Variants in SMAD2 observed in about 807,000 individuals in gnomAD.
SMAD2 encodes the protein MAD homolog 2.
In SMAD2, 8 loss-of-function variants were observed where a neutral mutation model predicts 64.4. The ratio of observed to expected loss-of-function variants is 0.12; its 90% CI spans 0.07 to 0.22. The LOEUF is 0.22. Ranked by LOEUF, SMAD2 falls within the 10% of genes least tolerant of loss-of-function variation. The probability of loss-of-function intolerance (pLI) is 1.00; values close to 1 mark genes in which losing one functional copy is unlikely to be tolerated. For missense variants in SMAD2, 289 were observed against 561.2 expected, an observed-to-expected ratio of 0.51 and a Z score of 4.90; for synonymous variants, 203 against 195.8, an observed-to-expected ratio of 1.04 and a Z score of -0.31.
chr18:47,875,373 G>C (rs567094655), intron 2 of SMAD2, among the ~76,000 whole-genome samples: 1 of 151,928 alleles, frequency 6.6e-6, no homozygotes, highest in Admixed American at 6.6e-5. Flanking sequence ...CAACATATTT[G>C]GTGACCCAAC....
intron 7 of SMAD2, among the ~76,000 whole-genome samples, chr18:47,849,956 G>A (rs963192342): frequency 2.0e-5 from 3 of 151,434 alleles, no homozygotes; most frequent in Non-Finnish European, 2.9e-5. Context: ...GCAGTGAGCC[G>A]AGATTGCGCC....
Position 47,841,728 on chromosome 18 carries a change from G to C in SMAD2, c.*99C>G, listed in dbSNP as rs1400263316. ...GACCTCAAGTGCTGTTTTCTCTCTT[G>C]AACTTTTGGATAGTAAACAGTCCAT... is the stretch of plus-strand genomic sequence containing the variant. On this transcript the variant is annotated 3_prime_UTR_variant, in exon 11 of 11. Coordinates refer to ENST00000262160, the MANE Select transcript of SMAD2 (RefSeq NM_005901.6). 8 of 1,412,102 alleles carry C rather than the reference G, an allele frequency of 5.7e-6. No individual in the cohort carries two copies. The highest frequency in any genetic ancestry group is 3.5e-5 in the Admixed American group (2 of 57,824). 87.5% of individuals were successfully genotyped at this position (1,412,102 alleles called of 1,614,324 possible). A position where few individuals can be genotyped will look rare whatever the true frequency, so the allele number is the denominator to read the frequency against.
intron 1 of SMAD2, among the ~76,000 whole-genome samples, chr18:47,915,920 T>C (rs958200444): frequency 9.9e-5 from 15 of 152,238 alleles, no homozygotes; most frequent in African/African-American, 3.6e-4. Flanking sequence ...TTCTGTGTTT[T>C]TTAACACCCT....
At chr18:47,900,869 T>G (rs2033655211) in intron 1 of SMAD2, among the ~76,000 whole-genome samples, 1 of 152,188 alleles carries the variant, frequency 6.6e-6, no homozygotes, top group African/African-American at 2.4e-5. Context: ...GCATAGTGTT[T>G]TATTTCTAGG....
chr18:47,907,307 G>C (rs1470018669), intron 1 of SMAD2, among the ~76,000 whole-genome samples: 1 of 152,076 alleles, frequency 6.6e-6, no homozygotes, highest in East Asian at 1.9e-4. Flanking sequence ...TAATTATAGT[G>C]TGCTCATAAA....
chr18:47,850,057 T>C (rs1439476429), intron 7 of SMAD2, among the ~76,000 whole-genome samples: 1 of 148,092 alleles, frequency 6.8e-6, no homozygotes, highest in Non-Finnish European at 1.5e-5. Flanking sequence ...ACTGTCGTAT[T>C]GTTATTTTCA....
intron 1 of SMAD2, among the ~76,000 whole-genome samples, chr18:47,905,052 GAAAT>G (rs1489826429): frequency 4.6e-5 from 7 of 152,138 alleles, no homozygotes; most frequent in South Asian, 2.1e-4. Flanking sequence ...AGACTGGAAA[GAAAT>G]AAATAAAACT....
rs561953615 is a variant in SMAD2 at position 47,855,227 on chromosome 18, T to C, written c.731-3900A>G. On this transcript the variant is annotated intron_variant, in intron 6 of 10. Coordinates refer to ENST00000262160, the MANE Select transcript of SMAD2 (RefSeq NM_005901.6). ...TACTTGAGGACCTGTTGTACATTAA[T>C]TGGATATATCAGTTTATTTATCTAG... Among the ~76,000 whole-genome samples, 10 of 152,360 alleles carry C rather than the reference T, an allele frequency of 6.6e-5. No individual in the cohort carries two copies. In the South Asian group the frequency reaches 1.7e-3, roughly 25 times the overall value.
chr18:47,903,266 T>C (rs2033760862), intron 1 of SMAD2, among the ~76,000 whole-genome samples: 1 of 151,916 alleles, frequency 6.6e-6, no homozygotes, highest in African/African-American at 2.4e-5. Flanking sequence ...AGTAGCGAAC[T>C]TGAAGACAGG....
chr18:47,899,661 C>T (rs910138349), intron 1 of SMAD2, among the ~76,000 whole-genome samples: 1 of 152,132 alleles, frequency 6.6e-6, no homozygotes. Context: ...AAAGGCTGAG[C>T]TCTTTATACA....
At chr18:47,894,818 G>C (rs2144467782) in intron 2 of SMAD2, among the ~76,000 whole-genome samples, 1 of 152,204 alleles carries the variant, frequency 6.6e-6, no homozygotes, top group Middle Eastern at 3.4e-3. Context: ...GCACATAGTG[G>C]GCATATGATA....
At chr18:47,870,020 ATGAAG>A (rs2031836425) in intron 3 of SMAD2, among the ~76,000 whole-genome samples, 1 of 152,160 alleles carries the variant, frequency 6.6e-6, no homozygotes, top group South Asian at 2.1e-4. Context: ...AAAAAAGAAA[ATGAAG>A]TGATTAAAAA....
chr18:47,867,824 T>C (rs188609322), intron 5 of SMAD2, among the ~76,000 whole-genome samples: 6 of 152,286 alleles, frequency 3.9e-5, no homozygotes, highest in Admixed American at 2.0e-4. Flanking sequence ...AAGGAGGTTT[T>C]CTGACGTTCG....
chr18:47,828,975 A>C lies in SMAD2; in HGVS notation c.*12852T>G. 7.3e-6 allele frequency: 1 copy of C among 137,666 alleles called. No individual in the cohort carries two copies. The highest frequency in any genetic ancestry group is 1.6e-5 in the Non-Finnish European group (1 of 64,386). The allele number at this position is 137,666 out of a possible 1,614,324, so 8.5% of individuals were successfully genotyped here. ...AAAAAAAAAAAAAGACTTTAGTTCAAGTTGAGACCAAAGACTGTGCTATTA... is the reference window on the plus strand; with the variant it reads ...AAAAAAAAAAAAAGACTTTAGTTCACGTTGAGACCAAAGACTGTGCTATTA... On this transcript the variant is annotated 3_prime_UTR_variant, in exon 11 of 11. Transcript: ENST00000262160.
intron 1 of SMAD2, among the ~76,000 whole-genome samples, chr18:47,927,504 G>A (rs2034812572): frequency 6.6e-6 from 1 of 152,234 alleles, no homozygotes; most frequent in African/African-American, 2.4e-5. Flanking sequence ...TTAAGGAACA[G>A]GGGTGTACTT....
intron 2 of SMAD2, 120 bp from the exon 3 acceptor site, chr18:47,870,684 T>C (rs1029919486): frequency 5.2e-6 from 4 of 767,732 alleles, no homozygotes; most frequent in African/African-American, 3.4e-5. Context: ...AAATATACAA[T>C]TGCTTCACTT....
At chr18:47,914,903 A>G (rs950995923) in intron 1 of SMAD2, among the ~76,000 whole-genome samples, 3 of 152,164 alleles carry the variant, frequency 2.0e-5, no homozygotes, top group African/African-American at 4.8e-5. Flanking sequence ...TATGGAGAAC[A>G]TATTTATGAT....
rs1379866659 is a variant in SMAD2 at position 47,917,961 on chromosome 18, G to T, written c.-54+12400C>A. 3.9e-5 allele frequency among the ~76,000 whole-genome samples: 6 copies of T among 152,264 alleles called. No individual in the cohort carries two copies. In the East Asian group the frequency reaches 9.7e-4, roughly 25 times the overall value. On this transcript the variant is annotated intron_variant, in intron 1 of 10. Coordinates refer to ENST00000262160, the MANE Select transcript of SMAD2 (RefSeq NM_005901.6). ...AAAATGGGTGAGCAGTAATTGAACA[G>T]ATCAGAAACTACTAACTCTAGGCTA...
chr18:47,840,312 C>T lies in SMAD2; in HGVS notation c.*1515G>A, dbSNP rs1598738955. On this transcript the variant is annotated 3_prime_UTR_variant, in exon 11 of 11. Transcript: ENST00000262160. ...CAGGAGTGGTTATTTTCCATTTCTA[C>T]TAAGATGCAAACAAGAAGAAATGTT... 1 of 232,696 alleles carries T rather than the reference C, an allele frequency of 4.3e-6. No homozygotes were observed. The highest frequency in any genetic ancestry group is 2.2e-5 in the African/African-American group (1 of 45,298). The allele number at this position is 232,696 out of a possible 1,614,324, so 14.4% of individuals were successfully genotyped here. A position where few individuals can be genotyped will look rare whatever the true frequency, so the allele number is the denominator to read the frequency against.
Sources: allele counts gnomAD v4.1 joint callset (sites outside exome capture counted in the v4.1 genomes callset), GRCh38; gene constraint gnomAD v4.1.1; transcripts MANE v1.5; gene names NCBI Gene and HGNC (gene_info 2026-07-23, HGNC 2026-07-21).